Variants in PCDHGB1 observed in about 807,000 individuals in gnomAD.
PCDHGB1 encodes protocadherin gamma-B1.
In PCDHGB1, 34 loss-of-function variants were observed where a neutral mutation model predicts 56.6. The ratio of observed to expected loss-of-function variants is 0.60; its 90% CI spans 0.46 to 0.80. The LOEUF is 0.80. Among genes scored for constraint, PCDHGB1 ranks in the 30% least tolerant of loss-of-function variants. The probability of loss-of-function intolerance (pLI) is 0.00; values close to 1 mark genes in which losing one functional copy is unlikely to be tolerated. For missense variants in PCDHGB1, 1,278 were observed against 1,204.6 expected (o/e 1.06, Z -0.90); for synonymous variants, 561 against 505.9 (o/e 1.11, Z -1.46).
At chr5:141,453,093 C>A (rs1408495535) in intron 1 of PCDHGB1, among the ~76,000 whole-genome samples, 1 of 151,928 alleles carries the variant, frequency 6.6e-6, no homozygotes, top group African/African-American at 2.4e-5. Context: ...AGTATATTTT[C>A]TGTTGCTTTT....
intron 1 of PCDHGB1, among the ~76,000 whole-genome samples, chr5:141,482,794 G>A (rs374042779): frequency 6.2e-5 from 8 of 129,246 alleles, no homozygotes; most frequent in Non-Finnish European, 8.1e-5. Flanking sequence ...GTGTGTGGCC[G>A]GGTACGGTGG....
chr5:141,366,115 C>T (rs1764340105), intron 1 of PCDHGB1: 1 of 1,614,120 alleles, frequency 6.2e-7, no homozygotes, highest in Non-Finnish European at 8.5e-7. Context: ...TAGCGGTGGA[C>T]AAAGATTCAG....
At position 141,485,120 on chromosome 5, in the gene PCDHGB1, G is replaced by A. The variant is rs2099607447; in HGVS notation, c.2410-9687G>A. On this transcript the variant is annotated intron_variant, in intron 1 of 3. Coordinates refer to ENST00000523390, the MANE Select transcript of PCDHGB1 (RefSeq NM_018922.3). The surrounding 1 kb of genome is among the most constrained non-coding windows in gnomAD (Gnocchi z 5.7). ...TCCAGCTGCTGTGGCTGTTTGGGGC[G>A]GGTCGGCTTCATCCGCGTCTCAGGA... The A allele has an allele frequency of 1.5e-6, 2 of 1,348,050 alleles. No homozygotes were observed. Among genetic ancestry groups the A allele is most frequent in the Non-Finnish European group, 2.1e-6 (2 of 952,710 alleles). 83.5% of individuals were successfully genotyped at this position (1,348,050 alleles called of 1,614,324 possible).
At chr5:141,419,694 G>A in intron 1 of PCDHGB1, 1 of 1,612,974 alleles carries the variant, frequency 6.2e-7, no homozygotes, top group Non-Finnish European at 8.5e-7. Context: ...GTGCAGGCCA[G>A]TGAGCCCGGG....
intron 1 of PCDHGB1, chr5:141,413,677 G>T (rs539552615): frequency 6.2e-7 from 1 of 1,613,794 alleles, no homozygotes; most frequent in East Asian, 2.2e-5. Flanking sequence ...GGATGTGGGC[G>T]TGAACTCCCT....
At chr5:141,384,434 G>A in intron 1 of PCDHGB1, 1 of 1,614,024 alleles carries the variant, frequency 6.2e-7, no homozygotes, top group Non-Finnish European at 8.5e-7. Flanking sequence ...TCTGACACTG[G>A]AGTCCTGTAC....
In PCDHGB1 at chr5:141,352,241, G is replaced by A; in HGVS notation, c.1981G>A (p.Ala661Thr). 6.2e-7 allele frequency: 1 copy of A among 1,614,080 alleles called. No homozygotes were observed. The highest frequency in any genetic ancestry group is 8.5e-7 in the Non-Finnish European group (1 of 1,179,910). ...SATATLHLIFADSLQEVLPDL... is the reference protein window; with the variant it reads ...SATATLHLIFTDSLQEVLPDL... ...CACCGCCACGCTGCACCTAATCTTC[G>A]CGGATAGCCTGCAAGAGGTATTGCC... Residue 661 changes from alanine to threonine, a missense_variant, in exon 1 of 4, where the codon GCG becomes ACG. Transcript: ENST00000523390.
intron 1 of PCDHGB1, among the ~76,000 whole-genome samples, chr5:141,488,007 G>A (rs1269050547): frequency 6.6e-6 from 1 of 152,178 alleles, no homozygotes; most frequent in African/African-American, 2.4e-5. Flanking sequence ...ATCAGATTCT[G>A]AAGTACCTTA....
At chr5:141,451,607 C>T (rs2154563647) in intron 1 of PCDHGB1, among the ~76,000 whole-genome samples, 1 of 152,288 alleles carries the variant, frequency 6.6e-6, no homozygotes, top group Non-Finnish European at 1.5e-5. Context: ...CAAGGCTAGG[C>T]ATGGTGGCTC....
rs758205179 is a variant in PCDHGB1 at position 141,477,813 on chromosome 5, A to G, written c.2410-16994A>G. ...ACTGATCGCAATGACAATGCCCCCC[A>G]GGTCCTATATCCTCGGCCAGGTGGG... On this transcript the variant is annotated intron_variant, in intron 1 of 3. Transcript: ENST00000523390. This position sits in a 1 kb window ranked among gnomAD's most constrained non-coding sequence, Gnocchi z 4.9. The G allele has an allele frequency of 8.1e-6, 13 of 1,614,002 alleles. No homozygotes were observed. The East Asian group carries it at 2.7e-4, about 33-fold the overall frequency.
At chr5:141,363,598 C>T (rs147406572) in intron 1 of PCDHGB1, among the ~76,000 whole-genome samples, 4 of 152,298 alleles carry the variant, frequency 2.6e-5, no homozygotes, top group African/African-American at 7.2e-5. Context: ...CCAACTCAAA[C>T]GCTGTCTGAG....
chr5:141,364,824 A>G, intron 1 of PCDHGB1: 2 of 1,613,612 alleles, frequency 1.2e-6, no homozygotes, highest in Non-Finnish European at 1.7e-6. Context: ...GTGGGTGTGA[A>G]CTCTCTCCGG....
chr5:141,427,428 T>A (rs1489623330), intron 1 of PCDHGB1: 1 of 470,472 alleles, frequency 2.1e-6, no homozygotes. Context: ...GGAGGTTACA[T>A]GCCTCATAAA....
Position 141,393,196 on chromosome 5 carries a change from A to G in PCDHGB1, c.2409+40527A>G, listed in dbSNP as rs369051018. 9.7e-5 allele frequency: 157 copies of G among 1,613,374 alleles called. No individual in the cohort carries two copies. The highest frequency in any genetic ancestry group is 1.3e-4 in the Non-Finnish European group (149 of 1,179,898). On this transcript the variant is annotated intron_variant, in intron 1 of 3. Coordinates refer to ENST00000523390, the MANE Select transcript of PCDHGB1 (RefSeq NM_018922.3). ...GAAATAGAAATAATTGATATTAACG[A>G]TAATAACCCAAAATTCCAGGTCGAA...
intron 1 of PCDHGB1, chr5:141,370,863 G>A (rs755596039): frequency 6.2e-7 from 1 of 1,614,050 alleles, no homozygotes; most frequent in Non-Finnish European, 8.5e-7. Context: ...CCTGGAATCT[G>A]CGCAAGATCC....
intron 1 of PCDHGB1, chr5:141,421,938 T>C (rs777643980): frequency 2.9e-5 from 46 of 1,613,346 alleles, no homozygotes; most frequent in Non-Finnish European, 3.5e-5. Context: ...TCGATGTAAA[T>C]GATCACATCC....
intron 1 of PCDHGB1, chr5:141,360,626 C>T (rs767378932): frequency 1.5e-5 from 24 of 1,613,892 alleles, no homozygotes; most frequent in Non-Finnish European, 7.6e-6. Flanking sequence ...GATGTTGGTC[C>T]TAACTCACTA....
In PCDHGB1 at chr5:141,486,671, C is replaced by A. The variant is rs1307620045; in HGVS notation, c.2410-8136C>A. On this transcript the variant is annotated intron_variant, in intron 1 of 3. Coordinates refer to ENST00000523390, the MANE Select transcript of PCDHGB1 (RefSeq NM_018922.3). The surrounding 1 kb of genome is among the most constrained non-coding windows in gnomAD (Gnocchi z 5.0). The stretch of plus-strand genomic sequence containing the variant: ...CTACTCACTCCTGGAGCCCAGGAAT[C>A]GAGATGTATCAGCTTCCTCTTTCAT... 1.9e-6 allele frequency: 3 copies of A among 1,614,044 alleles called. No individual in the cohort carries two copies. The highest frequency in any genetic ancestry group is 2.5e-6 in the Non-Finnish European group (3 of 1,180,014).
At chr5:141,389,567 G>A in intron 1 of PCDHGB1, 1 of 1,613,250 alleles carries the variant, frequency 6.2e-7, no homozygotes, top group South Asian at 1.1e-5. Flanking sequence ...CACGGGTGCT[G>A]TACCCCGCGC....
Sources: gnomAD v4.1 joint callset for allele counts (sites outside exome capture counted in the v4.1 genomes callset) on GRCh38, gnomAD v4.1.1 for gene constraint, Gnocchi (gnomAD v3.1) non-coding constraint, MANE v1.5 for transcripts, NCBI Gene and HGNC (gene_info 2026-07-23, HGNC 2026-07-21) for gene names.